The following NLRP2 variants were observed in gnomAD, a reference collection of about 807,000 sequenced individuals.
The protein encoded by NLRP2 is NLR family pyrin domain containing 2, also known as NACHT, LRR and PYD domains-containing protein 2.
NLRP2 carries 107 observed loss-of-function variants against 97.2 expected under a neutral mutation model. The ratio of observed to expected loss-of-function variants is 1.10; its 90% CI spans 0.94 to 1.29. NLRP2 has a LOEUF of 1.29. NLRP2 is among the 50% of genes most tolerant of loss of function. The pLI is 0.00. For synonymous variants in NLRP2, 663 were observed against 551.5 expected, an observed-to-expected ratio of 1.20 and a Z score of -2.83; for missense variants, 1,495 against 1,330.3, an observed-to-expected ratio of 1.12 and a Z score of -1.93.
At chr19:54,994,064 C>A in intron 10 of NLRP2, 2 of 652,970 alleles carry the variant, frequency 3.1e-6, no homozygotes, top group Middle Eastern at 4.1e-4. Context: ...CTACGAGGTC[C>A]CTTTTGCTCG....
At chr19:54,980,350 ACG>A (rs1289515335) in intron 4 of NLRP2, among the ~76,000 whole-genome samples, 7 of 151,188 alleles carry the variant, frequency 4.6e-5, no homozygotes, top group African/African-American at 1.7e-4. Flanking sequence ...CGCCCGCCAC[ACG>A]CCCGGCTAAT....
chr19:54,983,258 G>A lies in NLRP2; in HGVS notation c.1560G>A (p.Glu520=). ...LTALFYTLEK[E]EEEDRDGHTW... ...CCCTGTTCTACACCCTGGAGAAGGA[G>A]GAGGAAGAGGATAGGGACGGCCACA... The change falls in exon 6 of 13, where the codon GAG becomes GAA. Residue 520 remains glutamate, a synonymous_variant. Coordinates refer to ENST00000448584, the MANE Select transcript of NLRP2 (RefSeq NM_017852.5). 1 of 1,613,436 alleles carries A rather than the reference G, an allele frequency of 6.2e-7. No individual in the cohort carries two copies. Among genetic ancestry groups the A allele is most frequent in the Non-Finnish European group, 8.5e-7 (1 of 1,179,356 alleles).
intron 9 of NLRP2, 130 bp downstream of exon 9, chr19:54,990,322 G>GGC (rs777649673): frequency 5.2e-6 from 6 of 1,158,494 alleles, no homozygotes; most frequent in Admixed American, 1.9e-5. Context: ...TTTAGATCCA[G>GGC]GCCGATGGCC....
At chr19:54,974,593 C>G in intron 3 of NLRP2, 49 bp downstream of exon 3, 1 of 1,286,276 alleles carries the variant, frequency 7.8e-7, no homozygotes, top group Non-Finnish European at 1.1e-6. Flanking sequence ...GATCTGGGGA[C>G]TCGGGCCTTT....
At chr19:54,979,716 G>A (rs2071454832) in intron 4 of NLRP2, among the ~76,000 whole-genome samples, 2 of 152,082 alleles carry the variant, frequency 1.3e-5, no homozygotes, top group African/African-American at 2.4e-5. Flanking sequence ...TGAGTAACTT[G>A]GTTGAAGGAA....
chr19:54,982,150 C>T lies in NLRP2; in HGVS notation c.464-12C>T, dbSNP rs1041013226. ...GCATCCTCTCTCCCTTCCCTCCTCA[C>T]CAATGATAAAGACAAAGACAATAGG... is the stretch of plus-strand genomic sequence containing the variant. On this transcript the variant is annotated splice_polypyrimidine_tract_variant and intron_variant, in intron 5 of 12. Coordinates refer to ENST00000448584, the MANE Select transcript of NLRP2 (RefSeq NM_017852.5). 5.6e-6 allele frequency: 9 copies of T among 1,613,932 alleles called. No individual in the cohort carries two copies. Among genetic ancestry groups the T allele is most frequent in the Non-Finnish European group, 6.8e-6 (8 of 1,180,020 alleles).
At chr19:54,987,153 C>T (rs1483017247) in intron 8 of NLRP2, among the ~76,000 whole-genome samples, 2 of 150,792 alleles carry the variant, frequency 1.3e-5, no homozygotes, top group Admixed American at 6.6e-5. Flanking sequence ...CCCCACCCCG[C>T]CGTCGGCCTC....
chr19:54,996,762 C>T (rs889035009), intron 11 of NLRP2, among the ~76,000 whole-genome samples: 2 of 151,986 alleles, frequency 1.3e-5, no homozygotes, highest in African/African-American at 4.8e-5. Flanking sequence ...AGAACTCCCC[C>T]CCGAGCTCTA....
At chr19:54,969,859 G>GGTCTCACACCTGGAACCCCAAACAC in intron 1 of NLRP2, 140 bp from the exon 2 acceptor site, 2 of 819,024 alleles carry the variant, frequency 2.4e-6, no homozygotes, top group Non-Finnish European at 4.1e-6. Context: ...GTCTCACTAT[G>GGTCTCACACCTGGAACCCCAAACAC]TTGCCCAGGC....
intron 3 of NLRP2, 122 bp downstream of exon 3, chr19:54,974,666 T>C (rs1210541868): frequency 3.8e-6 from 3 of 779,922 alleles, no homozygotes; most frequent in Non-Finnish European, 6.7e-6. Flanking sequence ...GCATCCCTGC[T>C]CCCAGGGCGG....
At chr19:54,981,909 G>C (rs957187197) in intron 5 of NLRP2, among the ~76,000 whole-genome samples, 5 of 152,056 alleles carry the variant, frequency 3.3e-5, no homozygotes, top group Non-Finnish European at 2.9e-5. Flanking sequence ...CTCCCGAGTA[G>C]CTGGGATTAC....
chr19:54,973,263 T>A (rs1372062524), intron 2 of NLRP2, among the ~76,000 whole-genome samples: 1 of 151,950 alleles, frequency 6.6e-6, no homozygotes, highest in Non-Finnish European at 1.5e-5. Flanking sequence ...CTCCTATCTT[T>A]TTATTTAAAA....
chr19:54,966,849 T>TTATC (rs2070465936), intron 1 of NLRP2, among the ~76,000 whole-genome samples: 2 of 128,702 alleles, frequency 1.6e-5, no homozygotes, highest in African/African-American at 3.0e-5. Flanking sequence ...TTTTTTTTTT[T>TTATC]TTCTTCTCTT....
intron 12 of NLRP2, among the ~76,000 whole-genome samples, chr19:54,998,624 T>C (rs990321270): frequency 3.4e-5 from 4 of 118,196 alleles, no homozygotes; most frequent in East Asian, 2.3e-4. Context: ...TTTTTTTTTT[T>C]TTTTTCCTTT....
At chr19:54,996,161 G>C (rs1249660253) in intron 11 of NLRP2, among the ~76,000 whole-genome samples, 1 of 151,864 alleles carries the variant, frequency 6.6e-6, no homozygotes. Context: ...GAGCCAAGAT[G>C]GCGTTACCAC....
At chr19:54,981,534 G>A (rs1056469521) in intron 4 of NLRP2, 83 bp from the exon 5 acceptor site, 5 of 209,034 alleles carry the variant, frequency 2.4e-5, no homozygotes, top group Admixed American at 9.2e-5. Context: ...CGCCCCATCA[G>A]CCTGCCTCCT....
intron 11 of NLRP2, among the ~76,000 whole-genome samples, chr19:54,996,496 G>A (rs559089069): frequency 1.3e-5 from 2 of 152,232 alleles, no homozygotes; most frequent in South Asian, 2.1e-4. Context: ...GAGCAAGACT[G>A]TCTCAAAGAA....
Position 54,983,149 on chromosome 19 carries a change from T to C in NLRP2, c.1451T>C (p.Leu484Pro). 6.2e-7 allele frequency: 1 copy of C among 1,613,664 alleles called. No homozygotes were observed. Among genetic ancestry groups the C allele is most frequent in the Non-Finnish European group, 8.5e-7 (1 of 1,179,960 alleles). ...GVQESDLRLF[L>P]DGDILRQDRV... ...CAGGAGTCCGACCTCCGTCTGTTCC[T>C]GGACGGAGACATCCTCCGCCAGGAC... is the stretch of plus-strand genomic sequence containing the variant. Residue 484 changes from leucine (L) to proline (P), a missense_variant, in exon 6 of 13, where the codon CTG becomes CCG. Transcript: ENST00000448584.
Position 54,982,141 on chromosome 19 carries a change from C to A in NLRP2, c.464-21C>A, listed in dbSNP as rs576527953. The A allele has an allele frequency of 5.0e-6, 8 of 1,613,778 alleles. No homozygotes were observed. In the East Asian group the frequency reaches 1.8e-4, roughly 36 times the overall value. ...TAACTGATTGCATCCTCTCTCCCTT[C>A]CCTCCTCACCAATGATAAAGACAAA... On this transcript the variant is annotated intron_variant, in intron 5 of 12. Coordinates refer to ENST00000448584, the MANE Select transcript of NLRP2 (RefSeq NM_017852.5).
Sources: gnomAD v4.1 joint callset for allele counts (sites outside exome capture counted in the v4.1 genomes callset) on GRCh38, gnomAD v4.1.1 for gene constraint, MANE v1.5 for transcripts, NCBI Gene and HGNC (gene_info 2026-07-23, HGNC 2026-07-21) for gene names.